EIF2AK1: variants seen among roughly 807,000 people sequenced by gnomAD.
EIF2AK1 encodes the protein eukaryotic translation initiation factor 2 alpha kinase 1.
Under a neutral mutation model 77.9 loss-of-function variants are expected in EIF2AK1, and 54 were observed. The observed-to-expected ratio is 0.69, with a 90% CI of 0.56 to 0.87. EIF2AK1 has a LOEUF of 0.87. Among genes scored for constraint, EIF2AK1 ranks in the 40% least tolerant of loss-of-function variants. EIF2AK1 has a pLI of 0.00. For synonymous variants in EIF2AK1, 314 were observed against 290.5 expected (o/e 1.08, Z -0.82); for missense variants, 810 against 768.6 (o/e 1.05, Z -0.64).
chr7:6,050,096 G>A (rs764036555), intron 2 of EIF2AK1, 51 bp from the exon 3 acceptor site: 1 of 1,507,344 alleles, frequency 6.6e-7, no homozygotes, highest in Non-Finnish European at 9.0e-7. Flanking sequence ...TAATAAAATG[G>A]CAATTTTAAA....
intron 2 of EIF2AK1, among the ~76,000 whole-genome samples, chr7:6,053,974 C>A (rs1284897626): frequency 6.6e-6 from 1 of 151,008 alleles, no homozygotes; most frequent in Non-Finnish European, 1.5e-5. Flanking sequence ...ACCTGGCCAT[C>A]TTTTTTATTA....
At chr7:6,048,736 C>G in intron 4 of EIF2AK1, 71 bp downstream of exon 4, 1 of 1,247,710 alleles carries the variant, frequency 8.0e-7, no homozygotes, top group African/African-American at 1.5e-5. Flanking sequence ...GTTTTAACCT[C>G]AAATCAGTAT....
At chr7:6,055,342 CAAAAAAAAA>C (rs58804557) in intron 1 of EIF2AK1, among the ~76,000 whole-genome samples, 6 of 70,222 alleles carry the variant, frequency 8.5e-5, no homozygotes, top group South Asian at 6.2e-4. Flanking sequence ...AACTCCGTCT[CAAAAAAAAA>C]AAAAAAAAAA....
Position 6,059,008 on chromosome 7 carries a change from C to T in EIF2AK1, c.76G>A (p.Ala26Thr). The change falls in exon 1 of 15, where the codon GCC becomes ACC. Residue 26 changes from alanine to threonine, a missense_variant. Physicochemically the swap from Ala to Thr is moderately conservative, Grantham distance 58. Coordinates refer to ENST00000199389, the MANE Select transcript of EIF2AK1 (RefSeq NM_014413.4). ...GGGCCCTCGGCGGGAAAGTCGATGG[C>T]CGGCGGCGCAGCCACAGCCCCAGCC... ...DGAGAVAAPP[A>T]IDFPAEGPDP... is the part of the protein sequence containing the mutation. The T allele has an allele frequency of 4.5e-6, 7 of 1,539,636 alleles. No homozygotes were observed. Among genetic ancestry groups the T allele is most frequent in the Admixed American group, 2.0e-5 (1 of 50,344 alleles).
chr7:6,029,424 C>G (rs1026304601), intron 11 of EIF2AK1, among the ~76,000 whole-genome samples: 10 of 151,640 alleles, frequency 6.6e-5, no homozygotes, highest in African/African-American at 2.4e-4. Context: ...ACCCAGGAGT[C>G]AGAGGCTGCA....
Position 6,047,082 on chromosome 7 carries a change from T to A in EIF2AK1, c.459A>T (p.Glu153Asp). Residue 153 changes from glutamate (E) to aspartate (D), a missense_variant, in exon 5 of 15, where the codon GAA becomes GAT. Coordinates refer to ENST00000199389, the MANE Select transcript of EIF2AK1 (RefSeq NM_014413.4). ...ISRIQKIRSR[E>D]VALEAQTSRY... is the part of the protein sequence containing the mutation. ...GTGAAGTTTGTGCTTCCAAGGCTACTTCCCTTGATCTGAAAGTTAAATACA... is the reference window on the plus strand; with the variant it reads ...GTGAAGTTTGTGCTTCCAAGGCTACATCCCTTGATCTGAAAGTTAAATACA... 1 of 1,612,986 alleles carries A rather than the reference T, an allele frequency of 6.2e-7. No homozygotes were observed. The highest frequency in any genetic ancestry group is 8.5e-7 in the Non-Finnish European group (1 of 1,179,528).
intron 9 of EIF2AK1, 82 bp from the exon 10 acceptor site, chr7:6,038,753 T>G (rs1284734233): frequency 1.3e-5 from 15 of 1,192,262 alleles, no homozygotes; most frequent in Non-Finnish European, 1.7e-5. Flanking sequence ...TTAATCTGCC[T>G]ATTCTGGGCC....
rs1788516278 is a variant in EIF2AK1 at position 6,048,809 on chromosome 7, G to C, written c.447C>G (p.Ile149Met). The part of the protein sequence containing the change: ...PCEDISRIQK[I>M]RSREVALEAQ... ...TCAAGAAAGTTTTTCACACATACCT[G>C]ATTTTCTGGATACGAGAAATATCCT... is the stretch of plus-strand genomic sequence containing the variant. The change falls in exon 4 of 15, where the codon ATC becomes ATG. Residue 149 changes from isoleucine to methionine, a missense_variant and splice_region_variant. Ile to Met is a conservative substitution (Grantham distance 10). This residue lies in a region of EIF2AK1 where 246 missense variants were observed against 199.0 expected (regional missense o/e 1.24). Coordinates refer to ENST00000199389, the MANE Select transcript of EIF2AK1 (RefSeq NM_014413.4). 1.3e-6 allele frequency: 2 copies of C among 1,584,312 alleles called. No homozygotes were observed. The highest frequency in any genetic ancestry group is 1.7e-6 in the Non-Finnish European group (2 of 1,171,310).
chr7:6,026,146 G>A (rs888835764), intron 14 of EIF2AK1, among the ~76,000 whole-genome samples: 14 of 152,046 alleles, frequency 9.2e-5, no homozygotes, highest in African/African-American at 1.9e-4. Flanking sequence ...AGCACTACCC[G>A]GGGAGGTACC....
intron 11 of EIF2AK1, chr7:6,031,422 G>A (rs1787908262): frequency 6.4e-7 from 1 of 1,550,838 alleles, no homozygotes; most frequent in East Asian, 2.4e-5. Context: ...GTGGTTGACA[G>A]TGCCAAGTCC....
intron 9 of EIF2AK1, 103 bp downstream of exon 9, chr7:6,040,789 C>A: frequency 3.1e-6 from 3 of 973,574 alleles, no homozygotes; most frequent in Non-Finnish European, 4.7e-6. Context: ...AGAGACTGAA[C>A]GCAGGGCAGA....
At chr7:6,056,500 A>T (rs1583502964) in intron 1 of EIF2AK1, among the ~76,000 whole-genome samples, 3 of 148,146 alleles carry the variant, frequency 2.0e-5, no homozygotes. Context: ...TGGCTGAGGC[A>T]GAGAACTGCT....
At chr7:6,037,208 G>C (rs868517809) in intron 11 of EIF2AK1, among the ~76,000 whole-genome samples, 1 of 151,642 alleles carries the variant, frequency 6.6e-6, no homozygotes, top group Non-Finnish European at 1.5e-5. Flanking sequence ...TCCAACGTGG[G>C]TGACAGAGCG....
intron 8 of EIF2AK1, 72 bp downstream of exon 8, chr7:6,042,861 G>T: frequency 1.5e-6 from 2 of 1,373,108 alleles, no homozygotes; most frequent in Non-Finnish European, 2.0e-6. Flanking sequence ...GCGAGACTCT[G>T]TCGCCAAAAA....
chr7:6,041,517 C>T (rs1236761451), intron 8 of EIF2AK1, among the ~76,000 whole-genome samples: 1 of 149,482 alleles, frequency 6.7e-6, no homozygotes, highest in Non-Finnish European at 1.5e-5. Flanking sequence ...CCAGCCTGGG[C>T]GACAAAGTGA....
Position 6,024,323 on chromosome 7 carries a change from A to C in EIF2AK1, c.*350T>G, listed in dbSNP as rs1787675699. On this transcript the variant is annotated 3_prime_UTR_variant, in exon 15 of 15. Coordinates refer to ENST00000199389, the MANE Select transcript of EIF2AK1 (RefSeq NM_014413.4). ...CTGGAACAGTCCAGTGAGTATGTGC[A>C]GGCCCGGGCTTGGGCAGTGACGAGG... 5 of 1,219,682 alleles carry C rather than the reference A, an allele frequency of 4.1e-6. No homozygotes were observed. The highest frequency in any genetic ancestry group is 4.1e-6 in the Non-Finnish European group (4 of 964,034). The allele number at this position is 1,219,682 out of a possible 1,614,324, so 75.6% of individuals were successfully genotyped here.
chr7:6,043,983 CAGCT>C (rs1351807594), intron 7 of EIF2AK1, among the ~76,000 whole-genome samples: 1 of 151,608 alleles, frequency 6.6e-6, no homozygotes, highest in African/African-American at 2.4e-5. Context: ...CCTGTAATCC[CAGCT>C]ACTCGGGAGG....
intron 1 of EIF2AK1, chr7:6,057,531 C>G (rs1165390437): frequency 6.7e-6 from 1 of 150,322 alleles, no homozygotes; most frequent in Non-Finnish European, 1.5e-5. Context: ...ATACTAAAAA[C>G]TGGAACGACA....
rs1030375343 is a variant in EIF2AK1 at position 6,024,602 on chromosome 7, G to A, written c.*71C>T. 21 of 1,603,758 alleles carry A rather than the reference G, an allele frequency of 1.3e-5. No individual in the cohort carries two copies. The highest frequency in any genetic ancestry group is 1.7e-5 in the Non-Finnish European group (20 of 1,176,812). On this transcript the variant is annotated 3_prime_UTR_variant, in exon 15 of 15. Transcript: ENST00000199389. ...GGCTTACTAAATACAACGAAGCATT[G>A]TACCAACTATACCCTAATAAAGATT...
Sources: gnomAD v4.1 joint callset for allele counts (sites outside exome capture counted in the v4.1 genomes callset) on GRCh38, gnomAD v4.1.1 for gene constraint, gnomAD v4.1.1 regional missense constraint, MANE v1.5 for transcripts, NCBI Gene and HGNC (gene_info 2026-07-23, HGNC 2026-07-21) for gene names.